Variants in EMCN observed in about 807,000 individuals in gnomAD.
EMCN encodes the protein endomucin, also known as MUC-14.
Under a neutral mutation model 38.4 loss-of-function variants are expected in EMCN, and 37 were observed. That is an observed-to-expected ratio of 0.96 (90% CI 0.74 to 1.27). The LOEUF (loss-of-function observed/expected upper bound fraction) is 1.27. EMCN is among the 50% of genes most tolerant of loss of function. The pLI is 0.00. For synonymous variants in EMCN, 95 were observed against 100.8 expected, an observed-to-expected ratio of 0.94 and a Z score of 0.35; for missense variants, 318 against 302.8, an observed-to-expected ratio of 1.05 and a Z score of -0.37.
chr4:100,461,639 C>T (rs1728181874), intron 4 of EMCN, among the ~76,000 whole-genome samples: 1 of 152,054 alleles, frequency 6.6e-6, no homozygotes, highest in African/African-American at 2.4e-5. Flanking sequence ...AATACACACC[C>T]CTCTAAAAGA....
chr4:100,477,786 C>T (rs1226588094), intron 2 of EMCN, among the ~76,000 whole-genome samples: 1 of 140,288 alleles, frequency 7.1e-6, no homozygotes, highest in Non-Finnish European at 1.5e-5. Context: ...TTCTTCACTA[C>T]AGATACCTTT....
intron 11 of EMCN, among the ~76,000 whole-genome samples, chr4:100,405,341 G>A (rs1192900295): frequency 6.6e-6 from 1 of 151,986 alleles, no homozygotes; most frequent in Non-Finnish European, 1.5e-5. Flanking sequence ...GTCTGATGTT[G>A]GTTGTGGGTT....
At chr4:100,500,334 C>A (rs1578234704) in intron 1 of EMCN, among the ~76,000 whole-genome samples, 1 of 152,168 alleles carries the variant, frequency 6.6e-6, no homozygotes. Flanking sequence ...TTATTTATTT[C>A]TGCCTAATGT....
At chr4:100,461,391 C>T (rs1728174198) in intron 4 of EMCN, among the ~76,000 whole-genome samples, 1 of 152,040 alleles carries the variant, frequency 6.6e-6, no homozygotes. Context: ...TTATCTTTTT[C>T]ATCCACTAGA....
At chr4:100,492,464 A>G (rs1481695066) in intron 1 of EMCN, among the ~76,000 whole-genome samples, 1 of 152,174 alleles carries the variant, frequency 6.6e-6, no homozygotes, top group Non-Finnish European at 1.5e-5. Context: ...AAAGAGGAAA[A>G]GAAAGAGAAA....
At chr4:100,440,889 T>A (rs1022918805) in intron 5 of EMCN, among the ~76,000 whole-genome samples, 1 of 151,804 alleles carries the variant, frequency 6.6e-6, no homozygotes, top group South Asian at 2.1e-4. Flanking sequence ...ATTGAGACCA[T>A]CCTGGCTAAC....
intron 3 of EMCN, among the ~76,000 whole-genome samples, chr4:100,473,346 T>A (rs1308767102): frequency 7.1e-6 from 1 of 140,820 alleles, no homozygotes; most frequent in Admixed American, 7.5e-5. Flanking sequence ...ATAATTCTAA[T>A]GGGCATTTCC....
At chr4:100,454,069 T>C (rs1578204245) in intron 4 of EMCN, among the ~76,000 whole-genome samples, 1 of 151,582 alleles carries the variant, frequency 6.6e-6, no homozygotes, top group African/African-American at 2.4e-5. Context: ...ATATACCTAA[T>C]GCTAAATGAC....
chr4:100,406,617 CT>C (rs1209039698), intron 11 of EMCN, among the ~76,000 whole-genome samples: 1 of 151,894 alleles, frequency 6.6e-6, no homozygotes, highest in East Asian at 1.9e-4. Context: ...ATGATTTTGG[CT>C]TTTTTGAAAT....
intron 5 of EMCN, among the ~76,000 whole-genome samples, chr4:100,446,694 T>A (rs556821339): frequency 6.6e-6 from 1 of 152,202 alleles, no homozygotes; most frequent in Non-Finnish European, 1.5e-5. Context: ...ACCCAGGTAT[T>A]AAGCCTAGTA....
intron 4 of EMCN, among the ~76,000 whole-genome samples, chr4:100,460,770 C>T (rs2110258607): frequency 6.6e-6 from 1 of 152,236 alleles, no homozygotes; most frequent in South Asian, 2.1e-4. Flanking sequence ...TGATTGTTTC[C>T]TTTTCTGCAC....
chr4:100,485,293 A>G (rs983526961), intron 1 of EMCN, among the ~76,000 whole-genome samples: 2 of 152,104 alleles, frequency 1.3e-5, no homozygotes, highest in Admixed American at 1.3e-4. Context: ...GTGTTTTACA[A>G]TTTTTTGAAA....
intron 11 of EMCN, among the ~76,000 whole-genome samples, chr4:100,401,673 C>T (rs1316278415): frequency 6.6e-6 from 1 of 152,170 alleles, no homozygotes; most frequent in Admixed American, 6.6e-5. Flanking sequence ...AAGAAAATTA[C>T]AGAAGTATCA....
chr4:100,512,538 C>A, intron 1 of EMCN, among the ~76,000 whole-genome samples: 1 of 152,004 alleles, frequency 6.6e-6, no homozygotes, highest in Admixed American at 6.6e-5. Flanking sequence ...GGCATGGTGG[C>A]TCATGCCTGT....
chr4:100,502,121 G>T (rs2110301831), intron 1 of EMCN, among the ~76,000 whole-genome samples: 1 of 152,326 alleles, frequency 6.6e-6, no homozygotes, highest in Non-Finnish European at 1.5e-5. Flanking sequence ...GCTTGAGGAA[G>T]TGGTGTCTGA....
Position 100,447,583 on chromosome 4 carries a change from A to G in EMCN, c.377-12T>C. 2 of 1,546,402 alleles carry G rather than the reference A, an allele frequency of 1.3e-6. No homozygotes were observed. The highest frequency in any genetic ancestry group is 1.8e-6 in the Non-Finnish European group (2 of 1,122,234). On this transcript the variant is annotated splice_polypyrimidine_tract_variant and intron_variant, in intron 4 of 11. Coordinates refer to ENST00000296420, the MANE Select transcript of EMCN (RefSeq NM_016242.4). ...ACTCTGAGTTTCAGCTTTAGAAGGA[A>G]AAAAAGAAAAAAAATCAGTACAATT...
intron 3 of EMCN, among the ~76,000 whole-genome samples, chr4:100,470,650 C>A (rs1244870175): frequency 6.6e-6 from 1 of 151,806 alleles, no homozygotes; most frequent in Non-Finnish European, 1.5e-5. Context: ...CCATCAATGA[C>A]AAATTGGATA....
intron 1 of EMCN, among the ~76,000 whole-genome samples, chr4:100,488,034 G>T (rs1051031072): frequency 2.0e-5 from 3 of 152,144 alleles, no homozygotes; most frequent in Non-Finnish European, 4.4e-5. Flanking sequence ...TTGCACACAT[G>T]AAATGGCATG....
chr4:100,416,105 TATA>T, intron 9 of EMCN, 146 bp from the exon 10 acceptor site: 1 of 427,996 alleles, frequency 2.3e-6, no homozygotes, highest in Non-Finnish European at 4.1e-6. Context: ...TGTGTGTGTG[TATA>T]CATACATATA....
Sources: gnomAD v4.1 joint callset for allele counts (sites outside exome capture counted in the v4.1 genomes callset) on GRCh38, gnomAD v4.1.1 for gene constraint, MANE v1.5 for transcripts, NCBI Gene and HGNC (gene_info 2026-07-23, HGNC 2026-07-21) for gene names.